The following PCDHGA3 variants were observed in gnomAD, a reference collection of about 807,000 sequenced individuals.
The protein encoded by PCDHGA3 is protocadherin gamma-A3.
PCDHGA3 carries 40 observed loss-of-function variants against 58.5 expected under a neutral mutation model. That is an observed-to-expected ratio of 0.68 (90% CI 0.53 to 0.89). PCDHGA3 has a LOEUF of 0.89. Among genes scored for constraint, PCDHGA3 ranks in the 40% least tolerant of loss-of-function variants. The pLI, the probability that PCDHGA3 is intolerant of heterozygous loss-of-function variation, is 0.00. For synonymous variants in PCDHGA3, 530 were observed against 525.7 expected (o/e 1.01, Z -0.11); for missense variants, 1,223 against 1,195.9 (o/e 1.02, Z -0.33).
intron 1 of PCDHGA3, among the ~76,000 whole-genome samples, chr5:141,457,293 T>A (rs2098916185): frequency 6.6e-6 from 1 of 152,226 alleles, no homozygotes; most frequent in Admixed American, 6.5e-5. Context: ...TTCCTTGGTT[T>A]TATTTTCCCA....
chr5:141,371,996 C>T, intron 1 of PCDHGA3: 1 of 1,613,272 alleles, frequency 6.2e-7, no homozygotes, highest in Non-Finnish European at 8.5e-7. Context: ...CTCTGCAGGC[C>T]CGCGACCAGG....
rs769232324 is a variant in PCDHGA3, at chr5:141,423,034, G to T, written c.2425-71773G>T. 4 of 1,614,082 alleles carry T rather than the reference G, an allele frequency of 2.5e-6. No individual in the cohort carries two copies. In the African/African-American group the frequency reaches 4.0e-5, roughly 16 times the overall value. On this transcript the variant is annotated intron_variant, in intron 1 of 3. Coordinates refer to ENST00000253812, the MANE Select transcript of PCDHGA3 (RefSeq NM_018916.4). ...GGTGGACAAAGATTCAGGCCAGAAC[G>T]CCTGGCTGTCCTATCGCCTGCTTAA...
At chr5:141,403,585 C>A in intron 1 of PCDHGA3, 1 of 1,613,894 alleles carries the variant, frequency 6.2e-7, no homozygotes, top group South Asian at 1.1e-5. Context: ...ACCACCTGGT[C>A]CTCACGGCCT....
chr5:141,345,376 A>G lies in PCDHGA3; in HGVS notation c.1343A>G (p.Asn448Ser). 6.2e-7 allele frequency: 1 copy of G among 1,613,246 alleles called. No homozygotes were observed. The highest frequency in any genetic ancestry group is 1.1e-5 in the South Asian group (1 of 91,042). ...ITLHVIDIND[N>S]PPTFPHLSYS... ...CTGCATGTGATTGACATCAATGACAACCCACCCACCTTCCCTCATTTATCC... is the reference window on the plus strand; with the variant it reads ...CTGCATGTGATTGACATCAATGACAGCCCACCCACCTTCCCTCATTTATCC... The change falls in exon 1 of 4, where the codon AAC (asparagine) becomes AGC (serine). Residue 448 changes from asparagine (N) to serine (S), a missense_variant. Asn to Ser is a conservative substitution (Grantham distance 46, BLOSUM62 1). Coordinates refer to ENST00000253812, the MANE Select transcript of PCDHGA3 (RefSeq NM_018916.4).
At position 141,394,297 on chromosome 5, in the gene PCDHGA3, C is replaced by T. The variant is rs375160983; in HGVS notation, c.2424+47840C>T. 8.1e-6 allele frequency: 13 copies of T among 1,613,872 alleles called. No homozygotes were observed. Among genetic ancestry groups the T allele is most frequent in the African/African-American group, 1.3e-5 (1 of 74,926 alleles). ...GTCACTTACTCTGTGACCGAGGACA[C>T]GCTGCAGGGGGCGCCCCTGTCCTCG... On this transcript the variant is annotated intron_variant, in intron 1 of 3. Coordinates refer to ENST00000253812, the MANE Select transcript of PCDHGA3 (RefSeq NM_018916.4).
chr5:141,351,594 C>T, intron 1 of PCDHGA3: 1 of 1,614,090 alleles, frequency 6.2e-7, no homozygotes, highest in East Asian at 2.2e-5. Context: ...AACGACAATG[C>T]ACCTGTTTTC....
At chr5:141,468,597 T>C in intron 1 of PCDHGA3, 1 of 152,224 alleles carries the variant, frequency 6.6e-6, no homozygotes, top group East Asian at 1.9e-4. Context: ...CTGGGCGCGG[T>C]GGCTCACGCC....
At chr5:141,352,825 T>TAAAATTACA in intron 1 of PCDHGA3, 1 of 778,004 alleles carries the variant, frequency 1.3e-6, no homozygotes, top group Non-Finnish European at 2.0e-6. Context: ...CCCGGTCTAC[T>TAAAATTACA]AAAATTACAA....
chr5:141,408,973 T>G lies in PCDHGA3; in HGVS notation c.2424+62516T>G, dbSNP rs754120948. 4.3e-5 allele frequency: 70 copies of G among 1,613,718 alleles called. No homozygotes were observed. In the Admixed American group the frequency reaches 6.5e-4, roughly 15 times the overall value. ...TTAGTCTTAGTGAAAATCTGCCCCC[T>G]GGGTCCCCTGTGTTGCAAGTGACAG... On this transcript the variant is annotated intron_variant, in intron 1 of 3. Transcript: ENST00000253812.
intron 1 of PCDHGA3, chr5:141,428,082 G>T (rs776612130): frequency 1.2e-6 from 2 of 1,609,030 alleles, no homozygotes; most frequent in South Asian, 2.2e-5. Flanking sequence ...GGGACACAAC[G>T]CTTGGCTGTC....
chr5:141,423,883 A>G, intron 1 of PCDHGA3: 2 of 1,283,462 alleles, frequency 1.6e-6, no homozygotes, highest in Non-Finnish European at 2.0e-6. Context: ...CAATCTTGGC[A>G]TATTTTCTTT....
At chr5:141,394,875 A>G in intron 1 of PCDHGA3, 3 of 1,613,722 alleles carry the variant, frequency 1.9e-6, no homozygotes, top group Non-Finnish European at 8.5e-7. Flanking sequence ...GAACGATTCG[A>G]GCCTTACACT....
intron 1 of PCDHGA3, chr5:141,376,465 T>A: frequency 1.9e-6 from 3 of 1,614,178 alleles, no homozygotes; most frequent in East Asian, 2.2e-5. Flanking sequence ...TTCTGATAAC[T>A]CAGGATTTAC....
At position 141,421,815 on chromosome 5, in the gene PCDHGA3, A is replaced by C. The variant is rs746563152; in HGVS notation, c.2425-72992A>C. ...ATGGGGCCAAGAATCCAGAGCTAGTACTGGAGGGAAGCCTGGACCGAGAGA... is the reference window on the plus strand; with the variant it reads ...ATGGGGCCAAGAATCCAGAGCTAGTCCTGGAGGGAAGCCTGGACCGAGAGA... On this transcript the variant is annotated intron_variant, in intron 1 of 3. Coordinates refer to ENST00000253812, the MANE Select transcript of PCDHGA3 (RefSeq NM_018916.4). 4 of 1,613,764 alleles carry C rather than the reference A, an allele frequency of 2.5e-6. No individual in the cohort carries two copies. The South Asian group carries it at 3.3e-5, about 13-fold the overall frequency.
chr5:141,409,820 C>T (rs1276944982), intron 1 of PCDHGA3: 4 of 1,610,926 alleles, frequency 2.5e-6, no homozygotes, highest in Non-Finnish European at 3.4e-6. Flanking sequence ...CCACGGCTCG[C>T]CCACGCTCAG....
At chr5:141,384,392 G>A in intron 1 of PCDHGA3, 1 of 1,613,930 alleles carries the variant, frequency 6.2e-7, no homozygotes, top group Non-Finnish European at 8.5e-7. Context: ...ACCATCCAGG[G>A]GGCTCCAGTG....
At chr5:141,352,650 A>G (rs1299290167) in intron 1 of PCDHGA3, 2 of 1,602,438 alleles carry the variant, frequency 1.2e-6, no homozygotes, top group Non-Finnish European at 1.7e-6. Context: ...ATCGCTTATG[A>G]CCCTTCTTTG....
chr5:141,466,468 T>C (rs1266315455), intron 1 of PCDHGA3, among the ~76,000 whole-genome samples: 1 of 152,368 alleles, frequency 6.6e-6, no homozygotes, highest in East Asian at 1.9e-4. Flanking sequence ...TTGTTTCTGC[T>C]GTTAATTGTA....
intron 1 of PCDHGA3, chr5:141,419,658 A>C: frequency 1.9e-6 from 3 of 1,612,782 alleles, no homozygotes; most frequent in Non-Finnish European, 2.5e-6. Context: ...GACTCGGGGC[A>C]CAATGCCTGG....
Sources: gnomAD v4.1 joint callset for allele counts (sites outside exome capture counted in the v4.1 genomes callset) on GRCh38, gnomAD v4.1.1 for gene constraint, MANE v1.5 for transcripts, NCBI Gene and HGNC (gene_info 2026-07-23, HGNC 2026-07-21) for gene names.